RAD54L: variants seen among roughly 807,000 people sequenced by gnomAD.
RAD54L encodes DNA repair and recombination protein RAD54-like.
RAD54L carries 74 observed loss-of-function variants against 91.6 expected under a neutral mutation model. The ratio of observed to expected loss-of-function variants is 0.81; its 90% CI spans 0.67 to 0.98. The LOEUF (loss-of-function observed/expected upper bound fraction) is 0.98. Ranked by LOEUF, RAD54L falls within the 50% of genes least tolerant of loss-of-function variation. The pLI, the probability that RAD54L is intolerant of heterozygous loss-of-function variation, is 0.00. For missense variants in RAD54L, 887 were observed against 945.7 expected (o/e 0.94, Z 0.81); for synonymous variants, 304 against 349.7 (o/e 0.87, Z 1.46).
intron 8 of RAD54L, among the ~76,000 whole-genome samples, chr1:46,264,353 G>A (rs971373118): frequency 6.6e-6 from 1 of 152,244 alleles, no homozygotes; most frequent in Non-Finnish European, 1.5e-5. Flanking sequence ...TGCCATTTCA[G>A]GCTTTCATGT....
In RAD54L at chr1:46,273,387, G is replaced by A. The variant is rs1220523235; in HGVS notation, c.1408G>A (p.Glu470Lys). Residue 470 changes from glutamate to lysine, a missense_variant, in exon 13 of 18, where the codon GAG (glutamate) becomes AAG (lysine). Coordinates refer to ENST00000371975, the MANE Select transcript of RAD54L (RefSeq NM_003579.4). ...TCTAATCTATGATAAGTGTGTGGAA[G>A]AGGAGGATGGCTTTGTGGGTGCCTT... ...PALIYDKCVE[E>K]EDGFVGALDL... 6.2e-7 allele frequency: 1 copy of A among 1,613,696 alleles called. No homozygotes were observed. Among genetic ancestry groups the A allele is most frequent in the Admixed American group, 1.7e-5 (1 of 60,006 alleles).
chr1:46,274,622 GA>G lies in RAD54L; in HGVS notation c.1775del (p.Asp592AlafsTer50). The G allele has an allele frequency of 6.2e-7, 1 of 1,614,004 alleles. No individual in the cohort carries two copies. Among genetic ancestry groups the G allele is most frequent in the Middle Eastern group, 1.7e-4 (1 of 5,918 alleles). On this transcript the variant is annotated frameshift_variant, in exon 16 of 18. Transcript: ENST00000371975. LOFTEE classifies it high-confidence loss of function. ...TGGGGCTAACCGGCTGGTCATGTTT[GA>G]CCCTGACTGGAACCCAGCCAATGAT... ...LIGANRLVMF[D>X]PDWNPANDEQ...
intron 10 of RAD54L, among the ~76,000 whole-genome samples, chr1:46,271,068 G>T (rs757113262): frequency 6.6e-6 from 1 of 152,192 alleles, no homozygotes; most frequent in Non-Finnish European, 1.5e-5. Context: ...ATACCTTGGA[G>T]CATTACTAGT....
Position 46,278,294 on chromosome 1 carries a change from T to C in RAD54L, c.*12T>C. ...GGGGCCTCCGCTGATAACCAGCTGGTCTGGGTGTAGCTCTTAGAGGAAGGA... is the reference window on the plus strand; with the variant it reads ...GGGGCCTCCGCTGATAACCAGCTGGCCTGGGTGTAGCTCTTAGAGGAAGGA... On this transcript the variant is annotated 3_prime_UTR_variant, in exon 18 of 18. Coordinates refer to ENST00000371975, the MANE Select transcript of RAD54L (RefSeq NM_003579.4). 6.2e-7 allele frequency: 1 copy of C among 1,606,268 alleles called. No individual in the cohort carries two copies. The highest frequency in any genetic ancestry group is 8.5e-7 in the Non-Finnish European group (1 of 1,176,602).
In RAD54L at chr1:46,263,422, C is replaced by G. The variant is rs536802316; in HGVS notation, c.891+2037C>G. Among the ~76,000 whole-genome samples, 1 of 152,290 alleles carries G rather than the reference C, an allele frequency of 6.6e-6. No homozygotes were observed. The highest frequency in any genetic ancestry group is 6.5e-5 in the Admixed American group (1 of 15,288). Reference sequence around the variant, plus strand: ...TTCTAGTGGAGAGGTGGCTGAAAGACTTGGCCCTATCTGTCAACCAGTTGT... The same window carrying G: ...TTCTAGTGGAGAGGTGGCTGAAAGAGTTGGCCCTATCTGTCAACCAGTTGT... On this transcript the variant is annotated intron_variant, in intron 8 of 17. Transcript: ENST00000371975. This position sits in a 1 kb window ranked among gnomAD's most constrained non-coding sequence, Gnocchi z 4.3.
In RAD54L at chr1:46,277,942, T is replaced by C; in HGVS notation, c.1995T>C (p.Phe665=). ...HFSLGELKEL[F]ILDEASLSDT... is the part of the protein sequence containing the mutation. ...CTCTGGGCGAGTTGAAGGAGCTGTT[T>C]ATCCTGGATGAAGCTAGCCTCAGTG... The change falls in exon 17 of 18, where the codon TTT becomes TTC. Residue 665 remains phenylalanine, a synonymous_variant. Transcript: ENST00000371975. 10 of 1,614,154 alleles carry C rather than the reference T, an allele frequency of 6.2e-6. No homozygotes were observed. The highest frequency in any genetic ancestry group is 8.5e-6 in the Non-Finnish European group (10 of 1,180,038).
chr1:46,260,479 C>A, intron 5 of RAD54L, 63 bp from the exon 6 acceptor site: 1 of 1,506,242 alleles, frequency 6.6e-7, no homozygotes, highest in South Asian at 1.1e-5. Flanking sequence ...CAGGACACAG[C>A]TTCCTGAGGG....
At chr1:46,266,195 G>T (rs1002676752) in intron 8 of RAD54L, among the ~76,000 whole-genome samples, 7 of 152,218 alleles carry the variant, frequency 4.6e-5, no homozygotes, top group African/African-American at 1.7e-4. Flanking sequence ...GAGTGACAAG[G>T]TCAGGATTCC....
In RAD54L at chr1:46,272,776, T is replaced by C. The variant is rs1488038673; in HGVS notation, c.1349T>C (p.Ile450Thr). ...ATGAGTGTGTCTTCCCTTTCTTCCA[T>C]CACCTCGCTAAAGAAGCTTTGTAAT... is the stretch of plus-strand genomic sequence containing the variant. Reference protein sequence around the residue: ...GKMSVSSLSSITSLKKLCNHP... With the variant: ...GKMSVSSLSSTTSLKKLCNHP... Residue 450 changes from isoleucine (I) to threonine (T), a missense_variant, in exon 12 of 18, where the codon ATC (isoleucine) becomes ACC (threonine). Coordinates refer to ENST00000371975, the MANE Select transcript of RAD54L (RefSeq NM_003579.4). The C allele has an allele frequency of 1.9e-6, 3 of 1,614,070 alleles. No homozygotes were observed. The highest frequency in any genetic ancestry group is 2.5e-6 in the Non-Finnish European group (3 of 1,180,040).
In RAD54L at chr1:46,267,571, A is replaced by AT; in HGVS notation, c.1007dup (p.Ser337GlnfsTer7). 1 of 1,613,390 alleles carries AT rather than the reference A, an allele frequency of 6.2e-7. No individual in the cohort carries two copies. The highest frequency in any genetic ancestry group is 1.1e-5 in the South Asian group (1 of 91,070). ...CCCATCCAGAATGATCTGCTTGAGT[A>AT]TTTCAGCTTGGTACATTTTGTTAAT... On this transcript the variant is annotated frameshift_variant, in exon 9 of 18. Transcript: ENST00000371975. LOFTEE classifies it high-confidence loss of function.
At chr1:46,277,623 C>A in intron 16 of RAD54L, 194 bp from the exon 17 acceptor site, 1 of 665,158 alleles carries the variant, frequency 1.5e-6, no homozygotes, top group Non-Finnish European at 2.6e-6. Context: ...GCAGACTATT[C>A]ATGTCATGTT....
chr1:46,270,197 G>A (rs766694509), intron 9 of RAD54L, among the ~76,000 whole-genome samples: 8 of 151,998 alleles, frequency 5.3e-5, no homozygotes, highest in Non-Finnish European at 1.0e-4. Flanking sequence ...GTGAAACCCC[G>A]TCTCTACTAG....
chr1:46,262,398 C>G (rs1351208189), intron 8 of RAD54L, among the ~76,000 whole-genome samples: 2 of 152,016 alleles, frequency 1.3e-5, no homozygotes, highest in Non-Finnish European at 2.9e-5. Flanking sequence ...CAGAGCAAGA[C>G]TCTGTCTCAA....
chr1:46,262,570 C>T (rs1177609917), intron 8 of RAD54L, among the ~76,000 whole-genome samples: 1 of 151,900 alleles, frequency 6.6e-6, no homozygotes. Flanking sequence ...ATTTTACATA[C>T]AGTTAAGTAA....
chr1:46,261,102 G>A, intron 7 of RAD54L, 87 bp downstream of exon 7: 3 of 1,550,268 alleles, frequency 1.9e-6, no homozygotes, highest in African/African-American at 1.4e-5. Flanking sequence ...CAGGGTGGAG[G>A]GCAATGCAGG....
intron 8 of RAD54L, among the ~76,000 whole-genome samples, chr1:46,262,938 C>A (rs1660171670): frequency 6.6e-6 from 1 of 152,054 alleles, no homozygotes; most frequent in Non-Finnish European, 1.5e-5. Context: ...ATCAGCTGAA[C>A]CTCTGTTTCT....
intron 5 of RAD54L, 80 bp from the exon 6 acceptor site, chr1:46,260,462 G>C: frequency 7.2e-7 from 1 of 1,397,538 alleles, no homozygotes; most frequent in East Asian, 2.3e-5. Context: ...TGTTGCCTCC[G>C]GATCAGCAGG....
intron 9 of RAD54L, among the ~76,000 whole-genome samples, chr1:46,270,108 G>T (rs774866042): frequency 9.9e-5 from 15 of 151,606 alleles, no homozygotes; most frequent in Non-Finnish European, 1.8e-4. Context: ...GGTGGCTCAT[G>T]CCTGTAATCC....
chr1:46,278,256 C>A lies in RAD54L; in HGVS notation c.2218C>A (p.His740Asn). 1.9e-6 allele frequency: 3 copies of A among 1,613,602 alleles called. No individual in the cohort carries two copies. The highest frequency in any genetic ancestry group is 2.5e-6 in the Non-Finnish European group (3 of 1,179,882). The part of the protein sequence containing the change: ...AITFVFHQRS[H>N]EEQRGLR ...CACCTTCGTCTTCCACCAGCGTTCTCATGAGGAGCAGCGGGGCCTCCGCTG... is the reference window on the plus strand; with the variant it reads ...CACCTTCGTCTTCCACCAGCGTTCTAATGAGGAGCAGCGGGGCCTCCGCTG... The change falls in exon 18 of 18, where the codon CAT becomes AAT. Residue 740 changes from histidine (H) to asparagine (N), a missense_variant. Transcript: ENST00000371975.
Sources: allele counts gnomAD v4.1 joint callset (sites outside exome capture counted in the v4.1 genomes callset), GRCh38; gene constraint gnomAD v4.1.1; non-coding constraint Gnocchi (gnomAD v3.1); transcripts MANE v1.5; gene names NCBI Gene and HGNC (gene_info 2026-07-23, HGNC 2026-07-21).